The following GREM2 variants were observed in gnomAD, a reference collection of about 807,000 sequenced individuals.
The protein encoded by GREM2 is gremlin 2, DAN family BMP antagonist.
In GREM2, 11 loss-of-function variants were observed where a neutral mutation model predicts 14.2. The observed-to-expected ratio is 0.78, with a 90% CI of 0.49 to 1.28. GREM2 has a LOEUF of 1.28. Among genes scored for constraint, GREM2 ranks in the 50% most tolerant of loss-of-function variants. The pLI, the probability that GREM2 is intolerant of heterozygous loss-of-function variation, is 0.00. For synonymous variants in GREM2, 98 were observed against 97.6 expected (o/e 1.00, Z -0.02); for missense variants, 210 against 218.5 (o/e 0.96, Z 0.24).
intron 1 of GREM2, among the ~76,000 whole-genome samples, chr1:240,496,684 A>G (rs2103271603): frequency 6.6e-6 from 1 of 152,316 alleles, no homozygotes; most frequent in African/African-American, 2.4e-5. Flanking sequence ...TCCTGCTCTC[A>G]GAACAGTGCC....
intron 1 of GREM2, among the ~76,000 whole-genome samples, chr1:240,522,336 C>T (rs984875807): frequency 2.0e-5 from 3 of 152,104 alleles, no homozygotes; most frequent in African/African-American, 7.2e-5. Context: ...ATGTATCTGG[C>T]TTCTGGCACA....
chr1:240,578,928 T>G (rs1000374164), intron 1 of GREM2, among the ~76,000 whole-genome samples: 1 of 152,164 alleles, frequency 6.6e-6, no homozygotes, highest in Non-Finnish European at 1.5e-5. Flanking sequence ...GGTGGGTCAG[T>G]GAATCTGATA....
At chr1:240,520,742 C>T (rs1354192361) in intron 1 of GREM2, among the ~76,000 whole-genome samples, 1 of 151,914 alleles carries the variant, frequency 6.6e-6, no homozygotes, top group Non-Finnish European at 1.5e-5. Context: ...GAGATTTCAC[C>T]ATGTTGCCCA....
intron 1 of GREM2, among the ~76,000 whole-genome samples, chr1:240,603,031 C>T (rs1252245941): frequency 6.6e-6 from 1 of 152,040 alleles, no homozygotes; most frequent in African/African-American, 2.4e-5. Flanking sequence ...TGAGATCGCA[C>T]CATTGCACTC....
chr1:240,582,833 C>A (rs1181082651), intron 1 of GREM2, among the ~76,000 whole-genome samples: 2 of 151,626 alleles, frequency 1.3e-5, no homozygotes, highest in African/African-American at 4.8e-5. Flanking sequence ...GTATATTTTT[C>A]TCCTCTTTGA....
chr1:240,560,203 C>A (rs1039089919), intron 1 of GREM2, among the ~76,000 whole-genome samples: 3 of 152,088 alleles, frequency 2.0e-5, no homozygotes, highest in African/African-American at 7.2e-5. Context: ...GTATGGAGAA[C>A]GTTCTTAAGT....
chr1:240,605,408 T>C (rs952085725), intron 1 of GREM2, among the ~76,000 whole-genome samples: 1 of 151,984 alleles, frequency 6.6e-6, no homozygotes, highest in East Asian at 1.9e-4. Flanking sequence ...ACGTGAGAGG[T>C]TGAGGCTGCA....
chr1:240,532,634 GATATA>G (rs1301989718), intron 1 of GREM2, among the ~76,000 whole-genome samples: 4 of 148,054 alleles, frequency 2.7e-5, no homozygotes, highest in Non-Finnish European at 5.9e-5. Context: ...TTATATAAGA[GATATA>G]TATAGATAGA....
At chr1:240,516,719 C>T (rs952328741) in intron 1 of GREM2, among the ~76,000 whole-genome samples, 37 of 148,218 alleles carry the variant, frequency 2.5e-4, no homozygotes, top group African/African-American at 9.6e-4. Flanking sequence ...TGTATTATTT[C>T]CCAATTATGA....
intron 1 of GREM2, among the ~76,000 whole-genome samples, chr1:240,595,396 C>T (rs1291778773): frequency 6.6e-6 from 1 of 152,124 alleles, no homozygotes; most frequent in Non-Finnish European, 1.5e-5. Context: ...AGTTCTTTTG[C>T]TCTCTTGGGG....
chr1:240,527,566 G>A (rs1678251473), intron 1 of GREM2, among the ~76,000 whole-genome samples: 1 of 152,198 alleles, frequency 6.6e-6, no homozygotes, highest in Admixed American at 6.5e-5. Flanking sequence ...GTGTTTATAA[G>A]AGGTCTGAGG....
intron 1 of GREM2, among the ~76,000 whole-genome samples, chr1:240,546,015 A>G (rs941013284): frequency 8.5e-5 from 13 of 152,182 alleles, no homozygotes; most frequent in Non-Finnish European, 1.9e-4. Flanking sequence ...CAATTTCTCC[A>G]CAGACTCTTC....
intron 1 of GREM2, among the ~76,000 whole-genome samples, chr1:240,563,268 A>C (rs1679111120): frequency 6.6e-6 from 1 of 151,906 alleles, no homozygotes; most frequent in Non-Finnish European, 1.5e-5. Context: ...TTTGTTTTTA[A>C]TTTAGTGTCT....
At chr1:240,516,558 G>A (rs1677961158) in intron 1 of GREM2, among the ~76,000 whole-genome samples, 2 of 152,002 alleles carry the variant, frequency 1.3e-5, no homozygotes, top group South Asian at 4.2e-4. Flanking sequence ...GGGGCATCTG[G>A]GAAGAAAACT....
intron 1 of GREM2, among the ~76,000 whole-genome samples, chr1:240,534,692 C>CAAAAAAAA (rs5782153): frequency 1.7e-5 from 2 of 115,444 alleles, no homozygotes; most frequent in Non-Finnish European, 4.0e-5. Flanking sequence ...GACTCCATCT[C>CAAAAAAAA]AAAAAAAAAA....
chr1:240,510,369 CAAAAAAAAAAAAA>C (rs71170753), intron 1 of GREM2, among the ~76,000 whole-genome samples: 742 of 59,602 alleles, frequency 0.012, 11 homozygotes, highest in African/African-American at 0.042. Context: ...GACTCCGTCG[CAAAAAAAAAAAAA>C]AAAAAAAAAA....
intron 1 of GREM2, among the ~76,000 whole-genome samples, chr1:240,587,207 A>G (rs1316258158): frequency 6.6e-6 from 1 of 152,192 alleles, no homozygotes; most frequent in Admixed American, 6.6e-5. Context: ...GTTAAAACAC[A>G]CACTGTCTAT....
At chr1:240,573,953 A>G (rs1679308070) in intron 1 of GREM2, among the ~76,000 whole-genome samples, 1 of 151,770 alleles carries the variant, frequency 6.6e-6, no homozygotes, top group Non-Finnish European at 1.5e-5. Flanking sequence ...GAACTCTCAC[A>G]CTCTCGCCCT....
intron 1 of GREM2, among the ~76,000 whole-genome samples, chr1:240,570,708 A>G (rs1679244395): frequency 6.6e-6 from 1 of 152,186 alleles, no homozygotes; most frequent in South Asian, 2.1e-4. Flanking sequence ...CTGTTTTACA[A>G]TTTCACTACT....
Sources: gnomAD v4.1 joint callset for allele counts (sites outside exome capture counted in the v4.1 genomes callset) on GRCh38, gnomAD v4.1.1 for gene constraint, MANE v1.5 for transcripts, NCBI Gene and HGNC (gene_info 2026-07-23, HGNC 2026-07-21) for gene names.